Variants in SGCD observed in about 807,000 individuals in gnomAD.
SGCD encodes delta-sarcoglycan.
Under a neutral mutation model 36.6 loss-of-function variants are expected in SGCD, and 18 were observed. The observed-to-expected ratio is 0.49, with a 90% CI of 0.34 to 0.73. The LOEUF (loss-of-function observed/expected upper bound fraction) is 0.73, where lower values mean the gene tolerates loss of function less well. SGCD is among the 30% of genes least tolerant of loss of function. The pLI is 0.01. For synonymous variants in SGCD, 133 were observed against 130.6 expected (o/e 1.02, Z -0.12); for missense variants, 387 against 346.7 (o/e 1.12, Z -0.92).
At chr5:156,369,797 T>C (rs1383465081) in intron 3 of SGCD, among the ~76,000 whole-genome samples, 1 of 152,152 alleles carries the variant, frequency 6.6e-6, no homozygotes, top group African/African-American at 2.4e-5. Context: ...ATTTGACTAA[T>C]TAGAATGGAT....
chr5:156,101,053 C>A (rs1037798522), intron 1 of SGCD, among the ~76,000 whole-genome samples: 1 of 152,184 alleles, frequency 6.6e-6, no homozygotes, highest in Non-Finnish European at 1.5e-5. Context: ...GAAAGATGAT[C>A]TCTGTCTCTG....
intron 4 of SGCD, among the ~76,000 whole-genome samples, chr5:156,509,547 A>G: frequency 6.6e-6 from 1 of 152,250 alleles, no homozygotes; most frequent in South Asian, 2.1e-4. Flanking sequence ...TATCTAATTT[A>G]GTTCACAGAT....
At chr5:156,199,910 A>G (rs1419802827) in intron 3 of SGCD, among the ~76,000 whole-genome samples, 1 of 152,126 alleles carries the variant, frequency 6.6e-6, no homozygotes, top group African/African-American at 2.4e-5. Flanking sequence ...CATGGACTTT[A>G]GGTCACTGGG....
chr5:156,690,986 T>C (rs281054), intron 7 of SGCD, among the ~76,000 whole-genome samples: 139,280 of 151,948 alleles, frequency 0.92, 64,013 homozygotes, highest in East Asian at 0.99. Context: ...GTGGGTGGAT[T>C]GCTTGAGGTC....
chr5:155,832,041 G>T, the SGCD span, among the ~76,000 whole-genome samples: 1 of 152,162 alleles, frequency 6.6e-6, no homozygotes, highest in African/African-American at 2.4e-5. Flanking sequence ...TATTAACTGT[G>T]GGTATTCTAG....
At chr5:155,762,117 C>G in the SGCD span, among the ~76,000 whole-genome samples, 1 of 152,116 alleles carries the variant, frequency 6.6e-6, no homozygotes, top group African/African-American at 2.4e-5. Context: ...ACTCTGAAGC[C>G]CATGCTAAGT....
intron 3 of SGCD, among the ~76,000 whole-genome samples, chr5:156,244,755 C>G (rs1243722278): frequency 1.3e-5 from 2 of 152,174 alleles, no homozygotes; most frequent in East Asian, 1.9e-4. Flanking sequence ...AAACACATTA[C>G]TGCATCATAA....
At chr5:156,086,184 C>T (rs569364557) in intron 1 of SGCD, among the ~76,000 whole-genome samples, 1 of 152,324 alleles carries the variant, frequency 6.6e-6, no homozygotes, top group African/African-American at 2.4e-5. Flanking sequence ...TCTTATATAG[C>T]AGAATGCTGT....
At chr5:155,995,730 T>A (rs2127566112) in intron 1 of SGCD, among the ~76,000 whole-genome samples, 1 of 152,116 alleles carries the variant, frequency 6.6e-6, no homozygotes, top group Middle Eastern at 3.4e-3. Context: ...CCTATAAATG[T>A]ATTGAGTGAG....
chr5:156,071,040 T>C (rs1340429534), intron 1 of SGCD, among the ~76,000 whole-genome samples: 1 of 152,174 alleles, frequency 6.6e-6, no homozygotes, highest in Non-Finnish European at 1.5e-5. Context: ...TTATTAGTCT[T>C]GCTAGCGGTC....
chr5:155,868,713 A>G (rs1343346932), upstream of SGCD, among the ~76,000 whole-genome samples: 4 of 152,206 alleles, frequency 2.6e-5, no homozygotes, highest in East Asian at 3.9e-4. Flanking sequence ...AACTGGAGTG[A>G]TTTAAATTTT....
At chr5:155,901,496 A>G (rs1348914652) in intron 1 of SGCD, among the ~76,000 whole-genome samples, 1 of 152,162 alleles carries the variant, frequency 6.6e-6, no homozygotes, top group Non-Finnish European at 1.5e-5. Flanking sequence ...ACATGGGAAA[A>G]TGGAGCCTGA....
intron 3 of SGCD, among the ~76,000 whole-genome samples, chr5:156,244,372 C>T (rs1345729003): frequency 6.6e-6 from 1 of 152,144 alleles, no homozygotes; most frequent in Non-Finnish European, 1.5e-5. Flanking sequence ...ATAATGGAGT[C>T]TCTAAGGATT....
At chr5:156,559,056 C>G (rs1338036346) in intron 4 of SGCD, among the ~76,000 whole-genome samples, 1 of 152,116 alleles carries the variant, frequency 6.6e-6, no homozygotes, top group Non-Finnish European at 1.5e-5. Flanking sequence ...GAGTTGAACG[C>G]CAGCTCTACT....
intron 7 of SGCD, among the ~76,000 whole-genome samples, chr5:156,649,857 A>C (rs1763394728): frequency 6.6e-6 from 1 of 152,074 alleles, no homozygotes; most frequent in Non-Finnish European, 1.5e-5. Context: ...AATTTGAAGT[A>C]TAATAATAAT....
chr5:155,914,279 C>A (rs1424280900), intron 1 of SGCD, among the ~76,000 whole-genome samples: 3 of 152,186 alleles, frequency 2.0e-5, no homozygotes, highest in Non-Finnish European at 4.4e-5. Flanking sequence ...ACTATCATTA[C>A]AACAGATGCC....
At chr5:156,573,984 C>T in intron 4 of SGCD, among the ~76,000 whole-genome samples, 1 of 152,174 alleles carries the variant, frequency 6.6e-6, no homozygotes, top group African/African-American at 2.4e-5. Flanking sequence ...TGAGCCACTG[C>T]ACCCATCCCC....
intron 3 of SGCD, among the ~76,000 whole-genome samples, chr5:156,390,655 G>A (rs1048867562): frequency 4.6e-5 from 7 of 152,066 alleles, no homozygotes; most frequent in East Asian, 1.9e-4. Flanking sequence ...ACTTGAACCC[G>A]GGAGGCAGAG....
chr5:156,655,955 C>T (rs1763656167), intron 7 of SGCD, among the ~76,000 whole-genome samples: 1 of 152,026 alleles, frequency 6.6e-6, no homozygotes, highest in Non-Finnish European at 1.5e-5. Flanking sequence ...TGAATGCCTT[C>T]CTTGCTCTAA....
Sources: gnomAD v4.1 joint callset for allele counts (sites outside exome capture counted in the v4.1 genomes callset) on GRCh38, gnomAD v4.1.1 for gene constraint, MANE v1.5 for transcripts, NCBI Gene and HGNC (gene_info 2026-07-23, HGNC 2026-07-21) for gene names.